Variants in TIGD1 observed in about 807,000 individuals in gnomAD.
TIGD1 encodes tigger transposable element-derived protein 1.
In TIGD1, 20 loss-of-function variants were observed where a neutral mutation model predicts 21.3. The ratio of observed to expected loss-of-function variants is 0.94; its 90% confidence interval spans 0.66 to 1.36. The LOEUF is 1.36. Among genes scored for constraint, TIGD1 ranks in the 40% most tolerant of loss-of-function variants. The pLI is 0.00. For synonymous variants in TIGD1, 177 were observed against 123.2 expected, an observed-to-expected ratio of 1.44 and a Z score of -2.89; for missense variants, 556 against 350.5, an observed-to-expected ratio of 1.59 and a Z score of -4.68.
chr2:232,548,938 G>A lies in TIGD1; in HGVS notation c.945C>T (p.Tyr315=), dbSNP rs72991949. 0.19 allele frequency: 128,274 copies of A among 677,206 alleles called. 12,835 individuals carry two copies. The highest frequency in any genetic ancestry group is 0.24 in the Middle Eastern group (752 of 3,076). The allele number at this position is 677,206 out of a possible 1,614,324, so 41.9% of individuals were successfully genotyped here. ...PSHPRALMEI[Y]EEINVIFMPA... ...GCATGAAAATAACATTAATCTCCTC[G>A]TATATCTCCATCAGAGCTCTTGGAT... Residue 315 remains tyrosine, a synonymous_variant, in exon 1 of 1, where the codon TAC becomes TAT. Transcript: ENST00000408957.
In TIGD1 at chr2:232,548,962, A is replaced by T; in HGVS notation, c.921T>A (p.His307Gln). ...CGTATATCTCCATCAGAGCTCTTGG[A>T]TGACTAGGGGCATTGTCAATGAGCA... ...ILLLIDNAPS[H>Q]PRALMEIYEE... The change falls in exon 1 of 1, where the codon CAT becomes CAA. Residue 307 changes from histidine (H) to glutamine (Q), a missense_variant. Coordinates refer to ENST00000408957, the MANE Select transcript of TIGD1 (RefSeq NM_145702.4). The T allele has an allele frequency of 1.5e-6, 1 of 688,654 alleles. No homozygotes were observed. The highest frequency in any genetic ancestry group is 2.7e-6 in the Non-Finnish European group (1 of 375,662). The allele number at this position is 688,654 out of a possible 1,614,324, so 42.7% of individuals were successfully genotyped here.
Position 232,545,401 on chromosome 2 carries a change from C to T in TIGD1, c.*2706G>A, listed in dbSNP as rs1373749518. The T allele has an allele frequency of 1.3e-6, 1 of 775,390 alleles. No individual in the cohort carries two copies. Among genetic ancestry groups the T allele is most frequent in the Non-Finnish European group, 2.2e-6 (1 of 455,748 alleles). The allele number at this position is 775,390 out of a possible 1,614,324, so 48.0% of individuals were successfully genotyped here. On this transcript the variant is annotated 3_prime_UTR_variant, in exon 1 of 1. Coordinates refer to ENST00000408957, the MANE Select transcript of TIGD1 (RefSeq NM_145702.4). ...CAGGGCCAGGGGGCCATGGAATTAG[C>T]CACCAGTTGGGACCCGGACATAGGT...
chr2:232,550,402 C>G lies in TIGD1; in HGVS notation c.-520G>C. 1 of 490,412 alleles carries G rather than the reference C, an allele frequency of 2.0e-6. No homozygotes were observed. The highest frequency in any genetic ancestry group is 3.7e-6 in the Non-Finnish European group (1 of 270,408). The allele number at this position is 490,412 out of a possible 1,614,324, so 30.4% of individuals were successfully genotyped here. On this transcript the variant is annotated 5_prime_UTR_variant, in exon 1 of 1. Transcript: ENST00000408957. ...TTTTTACCAAGCAGCGAGTCCAGAG[C>G]CCGCGCCGTCAACGACGCGGTGCTG...
rs753412578 is a variant in TIGD1, at chr2:232,544,490, G to C, written c.*3617C>G. 2 of 1,613,840 alleles carry C rather than the reference G, an allele frequency of 1.2e-6. No individual in the cohort carries two copies. The highest frequency in any genetic ancestry group is 2.2e-5 in the South Asian group (2 of 91,086). ...CTCGGGATGGTCGATCACAACTGGGGAGGAGGTGGCCCTCTGCCTGCCTCG... is the reference window on the plus strand; with the variant it reads ...CTCGGGATGGTCGATCACAACTGGGCAGGAGGTGGCCCTCTGCCTGCCTCG... On this transcript the variant is annotated 3_prime_UTR_variant, in exon 1 of 1. Transcript: ENST00000408957.
At position 232,548,604 on chromosome 2, in the gene TIGD1, C is replaced by G. The variant is rs1386862707; in HGVS notation, c.1279G>C (p.Asp427His). 1 of 557,948 alleles carries G rather than the reference C, an allele frequency of 1.8e-6. No homozygotes were observed. The highest frequency in any genetic ancestry group is 3.4e-6 in the Non-Finnish European group (1 of 297,686). 34.6% of individuals were successfully genotyped at this position (557,948 alleles called of 1,614,324 possible). ...FKTSVEEVSA[D>H]VVEIAKELEL... ...AGTTCTTTTGCTATTTCCACCACAT[C>G]TGCACTTACTTCCTCCACTGAAGTC... The change falls in exon 1 of 1, where the codon GAT (aspartate) becomes CAT (histidine). Residue 427 changes from aspartate to histidine, a missense_variant. By Grantham distance (81) the Asp-to-His change is moderately conservative. Coordinates refer to ENST00000408957, the MANE Select transcript of TIGD1 (RefSeq NM_145702.4).
In TIGD1 at chr2:232,545,986, A is replaced by C. The variant is rs896246172; in HGVS notation, c.*2121T>G. 8.6e-6 allele frequency: 5 copies of C among 580,192 alleles called. No individual in the cohort carries two copies. The highest frequency in any genetic ancestry group is 1.6e-5 in the Non-Finnish European group (5 of 320,414). The allele number at this position is 580,192 out of a possible 1,614,324, so 35.9% of individuals were successfully genotyped here. On this transcript the variant is annotated 3_prime_UTR_variant, in exon 1 of 1. Coordinates refer to ENST00000408957, the MANE Select transcript of TIGD1 (RefSeq NM_145702.4). ...CCTGGCACCAGCCACCCCTCCACTC[A>C]GTGCACTCCCCTCACTTAGGCAAAG...
Position 232,549,109 on chromosome 2 carries a change from T to G in TIGD1, c.774A>C (p.Leu258=). 1.4e-6 allele frequency: 1 copy of G among 716,108 alleles called. No homozygotes were observed. Among genetic ancestry groups the G allele is most frequent in the African/African-American group, 1.7e-5 (1 of 57,320 alleles). The allele number at this position is 716,108 out of a possible 1,614,324, so 44.4% of individuals were successfully genotyped here. The change falls in exon 1 of 1, where the codon CTA becomes CTC. Residue 258 remains leucine, a synonymous_variant. Transcript: ENST00000408957. The part of the protein sequence containing the change: ...KNYTKSTLPV[L]YKWNSKARMT... ...TCCGGGCTTTGCTGTTCCATTTATA[T>G]AGCACGGGTAGAGTAGATTTAGTAT...
In TIGD1 at chr2:232,548,271, T is replaced by G. The variant is rs780797390; in HGVS notation, c.1612A>C (p.Lys538Gln). ...ACYREIFHER[K>Q]SQLMRKASPM... ...GAAGCTTTTCGCATGAGTTGACTCTTCCTTTCATGAAAGATTTCTCTGTAG... is the reference window on the plus strand; with the variant it reads ...GAAGCTTTTCGCATGAGTTGACTCTGCCTTTCATGAAAGATTTCTCTGTAG... Residue 538 changes from lysine to glutamine, a missense_variant, in exon 1 of 1, where the codon AAG becomes CAG. Transcript: ENST00000408957. The G allele has an allele frequency of 3.2e-6, 5 of 1,540,074 alleles. No individual in the cohort carries two copies. In the South Asian group the frequency reaches 6.0e-5, roughly 19 times the overall value.
Position 232,545,898 on chromosome 2 carries a change from T to G in TIGD1, c.*2209A>C, listed in dbSNP as rs1178607527. 5.4e-6 allele frequency: 4 copies of G among 745,126 alleles called. No individual in the cohort carries two copies. The highest frequency in any genetic ancestry group is 1.7e-5 in the African/African-American group (1 of 58,126). The allele number at this position is 745,126 out of a possible 1,614,324, so 46.2% of individuals were successfully genotyped here. A position where few individuals can be genotyped will look rare whatever the true frequency, so the allele number is the denominator to read the frequency against. On this transcript the variant is annotated 3_prime_UTR_variant, in exon 1 of 1. Coordinates refer to ENST00000408957, the MANE Select transcript of TIGD1 (RefSeq NM_145702.4). ...GTCTGAGCTGGAGTCCGAGAGTGGT[T>G]GGGGGTGGGCCGTGGCTAGTGTCCT...
In TIGD1 at chr2:232,544,372, C is replaced by T; in HGVS notation, c.*3735G>A. On this transcript the variant is annotated 3_prime_UTR_variant, in exon 1 of 1. Coordinates refer to ENST00000408957, the MANE Select transcript of TIGD1 (RefSeq NM_145702.4). Reference sequence around the variant, plus strand: ...TGAAGCCACCCCCTCTCTAGGTGTTCCTGAGGCTCTTGCCCCAGCTGCTGA... The same window carrying T: ...TGAAGCCACCCCCTCTCTAGGTGTTTCTGAGGCTCTTGCCCCAGCTGCTGA... 1.2e-6 allele frequency: 2 copies of T among 1,613,072 alleles called. No homozygotes were observed. Among genetic ancestry groups the T allele is most frequent in the Non-Finnish European group, 1.7e-6 (2 of 1,179,806 alleles).
rs758769651 is a variant in TIGD1 at position 232,548,242 on chromosome 2, C to T, written c.1641G>A (p.Pro547=). 30 of 1,543,442 alleles carry T rather than the reference C, an allele frequency of 1.9e-5. No homozygotes were observed. The highest frequency in any genetic ancestry group is 1.7e-4 in the Middle Eastern group (1 of 5,984). The change falls in exon 1 of 1, where the codon CCG becomes CCA. Residue 547 remains proline (P), a synonymous_variant. Transcript: ENST00000408957. Reference sequence around the variant, plus strand: ...GTGGCAATTTCCTAAAATAAGACATCGGTGAAGCTTTTCGCATGAGTTGAC... The same window carrying T: ...GTGGCAATTTCCTAAAATAAGACATTGGTGAAGCTTTTCGCATGAGTTGAC... The part of the protein sequence containing the change: ...RKSQLMRKAS[P]MSYFRKLPQP...
rs1244612222 is a variant in TIGD1, at chr2:232,548,114, G to C, written c.1769C>G (p.Ser590Ter). Residue 590 changes from serine to a stop codon, truncating the protein, a stop_gained, in exon 1 of 1, where the codon TCA (serine) becomes TGA (stop). Coordinates refer to ENST00000408957, the MANE Select transcript of TIGD1 (RefSeq NM_145702.4). LOFTEE classifies it high-confidence loss of function. Reference protein sequence around the residue: ...PAKRVRLTEGSD With the variant: ...PAKRVRLTEG ...GCTAAAAAATGCTGATTATCAATCT[G>C]AGCCTTCGGTGAGTCGTACTCTTTT... The C allele has an allele frequency of 2.7e-6, 2 of 754,296 alleles. No homozygotes were observed. The allele number at this position is 754,296 out of a possible 1,614,324, so 46.7% of individuals were successfully genotyped here.
chr2:232,549,971 C>A lies in TIGD1; in HGVS notation c.-89G>T. The A allele has an allele frequency of 2.7e-6, 2 of 732,578 alleles. No individual in the cohort carries two copies. The highest frequency in any genetic ancestry group is 4.0e-5 in the South Asian group (2 of 49,924). 45.4% of individuals were successfully genotyped at this position (732,578 alleles called of 1,614,324 possible). ...AAGAGGGAGAGAGATGGGGAACGGT[C>A]TGTGGGTGGAGCGGTCAGAACACAC... On this transcript the variant is annotated 5_prime_UTR_variant, in exon 1 of 1. Coordinates refer to ENST00000408957, the MANE Select transcript of TIGD1 (RefSeq NM_145702.4).
Position 232,549,317 on chromosome 2 carries a change from G to GT in TIGD1, c.565dup (p.Thr189AsnfsTer11). 1 of 664,828 alleles carries GT rather than the reference G, an allele frequency of 1.5e-6. No individual in the cohort carries two copies. Among genetic ancestry groups the GT allele is most frequent in the Non-Finnish European group, 2.7e-6 (1 of 369,186 alleles). The allele number at this position is 664,828 out of a possible 1,614,324, so 41.2% of individuals were successfully genotyped here. On this transcript the variant is annotated frameshift_variant, in exon 1 of 1. Coordinates refer to ENST00000408957, the MANE Select transcript of TIGD1 (RefSeq NM_145702.4). LOFTEE classifies it high-confidence loss of function. The stretch of plus-strand genomic sequence containing the variant: ...TGGCATCTTCTTCCAATAGAAGGCT[G>GT]TTTCATCTACATTGAAAATCTGTTG...
In TIGD1 at chr2:232,546,531, G is replaced by T. The variant is rs975626976; in HGVS notation, c.*1576C>A. The T allele has an allele frequency of 3.9e-5, 6 of 152,132 alleles. No individual in the cohort carries two copies. Among genetic ancestry groups the T allele is most frequent in the African/African-American group, 9.7e-5 (4 of 41,338 alleles). 9.4% of individuals were successfully genotyped at this position (152,132 alleles called of 1,614,324 possible). On this transcript the variant is annotated 3_prime_UTR_variant, in exon 1 of 1. Coordinates refer to ENST00000408957, the MANE Select transcript of TIGD1 (RefSeq NM_145702.4). ...CCCAGCTACTTTTAAATTTTTAGTAGAGATGAGGTTTTGCTATGTTGCCTA... is the reference window on the plus strand; with the variant it reads ...CCCAGCTACTTTTAAATTTTTAGTATAGATGAGGTTTTGCTATGTTGCCTA...
rs1283840445 is a variant in TIGD1 at position 232,548,681 on chromosome 2, C to G, written c.1202G>C (p.Gly401Ala). Residue 401 changes from glycine to alanine, a missense_variant, in exon 1 of 1, where the codon GGA becomes GCA. Transcript: ENST00000408957. ...WEEVKLSTLT[G>A]VWKKLIPTLI... ...GGTGGGAATCAACTTCTTCCAAACT[C>G]CTGTTAATGTTGACAATTTGACCTC... 1 of 485,758 alleles carries G rather than the reference C, an allele frequency of 2.1e-6. No homozygotes were observed. Among genetic ancestry groups the G allele is most frequent in the South Asian group, 1.7e-5 (1 of 57,166 alleles). 30.1% of individuals were successfully genotyped at this position (485,758 alleles called of 1,614,324 possible). A position where few individuals can be genotyped will look rare whatever the true frequency, so the allele number is the denominator to read the frequency against.
rs910182117 is a variant in TIGD1 at position 232,549,581 on chromosome 2, C to G, written c.302G>C (p.Ser101Thr). 2.9e-6 allele frequency: 2 copies of G among 680,516 alleles called. No homozygotes were observed. Among genetic ancestry groups the G allele is most frequent in the Non-Finnish European group, 5.3e-6 (2 of 376,970 alleles). 42.2% of individuals were successfully genotyped at this position (680,516 alleles called of 1,614,324 possible). A position where few individuals can be genotyped will look rare whatever the true frequency, so the allele number is the denominator to read the frequency against. The change falls in exon 1 of 1, where the codon AGC (serine) becomes ACC (threonine). Residue 101 changes from serine (S) to threonine (T), a missense_variant. Physicochemically the swap from Ser to Thr is moderately conservative, Grantham distance 58. Coordinates refer to ENST00000408957, the MANE Select transcript of TIGD1 (RefSeq NM_145702.4). The part of the protein sequence containing the change: ...EDQTSRNIPL[S>T]QSLIQNKALT... ...GGCTTTGTTCTGGATTAGGCTTTGG[C>G]TTAAGGGAATGTTGCGGCTGGTCTG...
At position 232,547,181 on chromosome 2, in the gene TIGD1, T is replaced by G. The variant is rs1431582420; in HGVS notation, c.*926A>C. ...CAGCACCTTGGGAGGACAAGGTGGG[T>G]GGACTGCTTGAGCTCAGGAGCCCAC... On this transcript the variant is annotated 3_prime_UTR_variant, in exon 1 of 1. Transcript: ENST00000408957. Among the ~76,000 whole-genome samples, 1 of 151,976 alleles carries G rather than the reference T, an allele frequency of 6.6e-6. No homozygotes were observed. The highest frequency in any genetic ancestry group is 1.9e-4 in the East Asian group (1 of 5,174).
At position 232,550,305 on chromosome 2, in the gene TIGD1, C is replaced by T; in HGVS notation, c.-423G>A. 3.1e-6 allele frequency: 1 copy of T among 324,966 alleles called. No homozygotes were observed. Among genetic ancestry groups the T allele is most frequent in the Non-Finnish European group, 6.0e-6 (1 of 167,882 alleles). The allele number at this position is 324,966 out of a possible 1,614,324, so 20.1% of individuals were successfully genotyped here. On this transcript the variant is annotated 5_prime_UTR_variant, in exon 1 of 1. Coordinates refer to ENST00000408957, the MANE Select transcript of TIGD1 (RefSeq NM_145702.4). ...TGCCATAGTACAGTGGCGCCGCGAC[C>T]GACAAAGGAAAGCCTCCGGGAGGTC...
Sources: gnomAD v4.1 joint callset for allele counts (sites outside exome capture counted in the v4.1 genomes callset) on GRCh38, gnomAD v4.1.1 for gene constraint, MANE v1.5 for transcripts, NCBI Gene and HGNC (gene_info 2026-07-23, HGNC 2026-07-21) for gene names.